ESPNL: variants seen among roughly 807,000 people sequenced by gnomAD.
The protein encoded by ESPNL is espin like, also known as espin-like protein.
In ESPNL, 49 loss-of-function variants were observed where a neutral mutation model predicts 46.8. The ratio of observed to expected loss-of-function variants is 1.05; its 90% CI spans 0.83 to 1.33. The LOEUF is 1.33. Among genes scored for constraint, ESPNL ranks in the 40% most tolerant of loss-of-function variants. The pLI, the probability that ESPNL is intolerant of heterozygous loss-of-function variation, is 0.00. For missense variants in ESPNL, 1,540 were observed against 1,436.6 expected (o/e 1.07, Z -1.16); for synonymous variants, 664 against 662.1 (o/e 1.00, Z -0.04).
At chr2:238,115,029 TGCGGTTCTGGCGCTGGTCTTGCG>T (rs1574733965) in intron 4 of ESPNL, among the ~76,000 whole-genome samples, 2 of 152,120 alleles carry the variant, frequency 1.3e-5, no homozygotes, top group Non-Finnish European at 2.9e-5. Context: ...CCTGTGGCTC[TGCGGTTCTGGCGCTGGTCTTGCG>T]GCGGTTCTGG....
Position 238,131,770 on chromosome 2 carries a change from G to A in ESPNL, c.*38G>A, listed in dbSNP as rs981416568. 1.9e-6 allele frequency: 3 copies of A among 1,540,878 alleles called. No homozygotes were observed. In the African/African-American group the frequency reaches 4.1e-5, roughly 21 times the overall value. On this transcript the variant is annotated 3_prime_UTR_variant, in exon 9 of 9. Transcript: ENST00000343063. ...CCTGCTTTCCAGAATGTGGTTTGGG[G>A]GTGACTTGGAGTTTCTCTTTTCTTT...
In ESPNL at chr2:238,107,816, C is replaced by A. The variant is rs556005720; in HGVS notation, c.698C>A (p.Thr233Lys). ...WLVTFTDIGL[T>K]ARDNEGATAL... ...GTCACATTCACCGACATCGGACTCA[C>A]GGCACGGGACAATGAGGGGGCCACG... Residue 233 changes from threonine to lysine, a missense_variant, in exon 4 of 9, where the codon ACG becomes AAG. Physicochemically the swap from Thr to Lys is moderately conservative, Grantham distance 78. Coordinates refer to ENST00000343063, the MANE Select transcript of ESPNL (RefSeq NM_194312.4). 1 of 1,601,236 alleles carries A rather than the reference C, an allele frequency of 6.2e-7. No homozygotes were observed. Among genetic ancestry groups the A allele is most frequent in the South Asian group, 1.1e-5 (1 of 89,160 alleles).
intron 5 of ESPNL, among the ~76,000 whole-genome samples, chr2:238,123,420 C>T (rs1436227046): frequency 6.6e-6 from 1 of 152,162 alleles, no homozygotes; most frequent in Non-Finnish European, 1.5e-5. Flanking sequence ...CCTCAATTTC[C>T]CCATCTGTGC....
rs763195685 is a variant in ESPNL at position 238,130,729 on chromosome 2, G to T, written c.2015G>T (p.Gly672Val). 3.2e-6 allele frequency: 5 copies of T among 1,564,574 alleles called. No individual in the cohort carries two copies. The South Asian group carries it at 5.8e-5, about 18-fold the overall frequency. Residue 672 changes from glycine to valine, a missense_variant, in exon 9 of 9, where the codon GGC (glycine) becomes GTC (valine). By Grantham distance (109) the Gly-to-Val change is moderately radical (BLOSUM62 -3). Coordinates refer to ENST00000343063, the MANE Select transcript of ESPNL (RefSeq NM_194312.4). ...ASGPLCGFNP[G>V]PCEPGAQHRQ... The stretch of plus-strand genomic sequence containing the variant: ...GGCCCACTCTGTGGCTTCAACCCTG[G>T]CCCCTGCGAGCCGGGGGCCCAGCAC...
rs541908876 is a variant in ESPNL, at chr2:238,108,713, C to CT, written c.855+741dup. 2.8e-4 allele frequency among the ~76,000 whole-genome samples: 42 copies of CT among 152,324 alleles called. No individual in the cohort carries two copies. In the East Asian group the frequency reaches 7.3e-3, roughly 27 times the overall value. On this transcript the variant is annotated intron_variant, in intron 4 of 8. Coordinates refer to ENST00000343063, the MANE Select transcript of ESPNL (RefSeq NM_194312.4). ...TGCTCCAGGCCTCTGCAAGGCTAGT[C>CT]TGGGGGGATTTTAAGTGGAAGTGCA...
At chr2:238,112,622 T>C (rs1691737752) in intron 4 of ESPNL, among the ~76,000 whole-genome samples, 1 of 152,244 alleles carries the variant, frequency 6.6e-6, no homozygotes, top group Admixed American at 6.5e-5. Context: ...TTTTCTAATA[T>C]ATTTATTGAA....
At chr2:238,118,797 A>AGG (rs1691896834) in intron 5 of ESPNL, among the ~76,000 whole-genome samples, 1 of 55,688 alleles carries the variant, frequency 1.8e-5, no homozygotes, top group Non-Finnish European at 3.2e-5. Flanking sequence ...AGGAGGGTGG[A>AGG]TGGAGGAGGA....
Position 238,131,472 on chromosome 2 carries a change from G to A in ESPNL, c.2758G>A (p.Glu920Lys), listed in dbSNP as rs377107987. 3.1e-4 allele frequency: 504 copies of A among 1,611,692 alleles called. 12 individuals are homozygous for A. In the South Asian group the frequency reaches 4.8e-3, roughly 15 times the overall value. ...AGRRAWTDGF[E>K]DIKARFFGSS... ...CCGCCGGGCCTGGACCGACGGCTTC[G>A]AGGACATCAAAGCCCGCTTCTTTGG... Residue 920 changes from glutamate to lysine, a missense_variant, in exon 9 of 9, where the codon GAG (glutamate) becomes AAG (lysine). Glu to Lys is a moderately conservative substitution (Grantham distance 56). Coordinates refer to ENST00000343063, the MANE Select transcript of ESPNL (RefSeq NM_194312.4).
chr2:238,121,598 A>G (rs141867349), intron 5 of ESPNL, among the ~76,000 whole-genome samples: 3 of 152,232 alleles, frequency 2.0e-5, no homozygotes, highest in African/African-American at 4.8e-5. Flanking sequence ...GGGTTTGGCC[A>G]TGTTGGCCAG....
chr2:238,107,974 G>T lies in ESPNL; in HGVS notation c.855+1G>T, dbSNP rs1360241738. The T allele has an allele frequency of 3.7e-6, 6 of 1,609,108 alleles. No individual in the cohort carries two copies. Among genetic ancestry groups the T allele is most frequent in the Admixed American group, 1.7e-5 (1 of 59,584 alleles). ...CGCAGCAGAGAACGGGCAGATGGAG[G>T]TAAGGTGGGCGTGAGGGAGACAGGG... On this transcript the variant is annotated splice_donor_variant, in intron 4 of 8. Coordinates refer to ENST00000343063, the MANE Select transcript of ESPNL (RefSeq NM_194312.4). LOFTEE classifies it high-confidence loss of function.
chr2:238,133,194 C>T lies in ESPNL; in HGVS notation c.*1462C>T, dbSNP rs1005961449. 6.6e-6 allele frequency: 1 copy of T among 152,232 alleles called. No individual in the cohort carries two copies. Among genetic ancestry groups the T allele is most frequent in the East Asian group, 1.9e-4 (1 of 5,202 alleles). 9.4% of individuals were successfully genotyped at this position (152,232 alleles called of 1,614,324 possible). On this transcript the variant is annotated 3_prime_UTR_variant, in exon 9 of 9. Coordinates refer to ENST00000343063, the MANE Select transcript of ESPNL (RefSeq NM_194312.4). ...TTTCCACAAGGGCCTATCCTGCAGC[C>T]GGCCCGCTCCGGCTTCCTCCACTGC...
Position 238,131,508 on chromosome 2 carries a change from C to A in ESPNL, c.2794C>A (p.Arg932Ser). Residue 932 changes from arginine (R) to serine (S), a missense_variant, in exon 9 of 9, where the codon CGT becomes AGT. Arg to Ser is a moderately radical substitution (Grantham distance 110). Coordinates refer to ENST00000343063, the MANE Select transcript of ESPNL (RefSeq NM_194312.4). ...IKARFFGSSQ[R>S]PAWDTEPGRK... is the part of the protein sequence containing the mutation. ...AGCCCGCTTCTTTGGCTCCAGCCAG[C>A]GTCCCGCCTGGGATACGGAGCCTGG... The A allele has an allele frequency of 6.2e-7, 1 of 1,611,608 alleles. No homozygotes were observed. Among genetic ancestry groups the A allele is most frequent in the Non-Finnish European group, 8.5e-7 (1 of 1,179,406 alleles).
intron 3 of ESPNL, among the ~76,000 whole-genome samples, chr2:238,105,281 A>G (rs917953103): frequency 6.6e-6 from 1 of 152,118 alleles, no homozygotes; most frequent in Non-Finnish European, 1.5e-5. Context: ...TTGGGGAAGG[A>G]AGACCTGAGA....
rs376099769 is a variant in ESPNL, at chr2:238,104,626, C to G, written c.486-30C>G. 41 of 1,536,742 alleles carry G rather than the reference C, an allele frequency of 2.7e-5. No homozygotes were observed. The South Asian group carries it at 3.1e-4, about 12-fold the overall frequency. On this transcript the variant is annotated intron_variant, in intron 2 of 8. Transcript: ENST00000343063. ...GGATGGGCTCAGCCATAGGCAGGGA[C>G]TGGGCCTCCAAACCCTCCCTTCCCT...
At position 238,127,620 on chromosome 2, in the gene ESPNL, A is replaced by C. The variant is rs1249333791; in HGVS notation, c.1103-2A>C. The C allele has an allele frequency of 6.2e-6, 10 of 1,602,302 alleles. No individual in the cohort carries two copies. The highest frequency in any genetic ancestry group is 8.5e-6 in the Non-Finnish European group (10 of 1,174,996). ...CTGCAACACCCTTCTTCTTCTTGGC[A>C]GCCATGTCCCTCAGCCCGGCCTGGC... is the stretch of plus-strand genomic sequence containing the variant. On this transcript the variant is annotated splice_acceptor_variant, in intron 6 of 8. Transcript: ENST00000343063. LOFTEE classifies it high-confidence loss of function.
chr2:238,113,042 G>A (rs551872005), intron 4 of ESPNL, among the ~76,000 whole-genome samples: 45 of 152,202 alleles, frequency 3.0e-4, no homozygotes, highest in Admixed American at 1.8e-3. Flanking sequence ...CAAGTGGATC[G>A]AGAGAATTGT....
chr2:238,130,610 C>G lies in ESPNL; in HGVS notation c.1896C>G (p.Ala632=). ...CCCTGCAGGACACCTGCAGGGAGGC[C>G]TCGGCCAGCCCCCCTCGGAGCGAGG... ...TRPLQDTCRE[A]SASPPRSEAQ... Residue 632 remains alanine (A), a synonymous_variant, in exon 9 of 9, where the codon GCC becomes GCG. Coordinates refer to ENST00000343063, the MANE Select transcript of ESPNL (RefSeq NM_194312.4). 1 of 1,565,034 alleles carries G rather than the reference C, an allele frequency of 6.4e-7. No homozygotes were observed. Among genetic ancestry groups the G allele is most frequent in the Non-Finnish European group, 8.7e-7 (1 of 1,154,996 alleles).
Position 238,107,987 on chromosome 2 carries a change from G to C in ESPNL, c.855+14G>C. The C allele has an allele frequency of 6.2e-7, 1 of 1,602,054 alleles. No individual in the cohort carries two copies. On this transcript the variant is annotated intron_variant, in intron 4 of 8. Transcript: ENST00000343063. Reference sequence around the variant, plus strand: ...GGGCAGATGGAGGTAAGGTGGGCGTGAGGGAGACAGGGTGAGCAGTCACAA... The same window carrying C: ...GGGCAGATGGAGGTAAGGTGGGCGTCAGGGAGACAGGGTGAGCAGTCACAA...
intron 6 of ESPNL, among the ~76,000 whole-genome samples, chr2:238,126,776 G>C (rs1407923645): frequency 2.0e-5 from 3 of 151,456 alleles, no homozygotes; most frequent in Non-Finnish European, 2.9e-5. Context: ...ATCTGTGTGT[G>C]ATTCTGTGTG....
Sources: allele counts gnomAD v4.1 joint callset (sites outside exome capture counted in the v4.1 genomes callset), GRCh38; gene constraint gnomAD v4.1.1; transcripts MANE v1.5; gene names NCBI Gene and HGNC (gene_info 2026-07-23, HGNC 2026-07-21).